ITSN2: variants seen among roughly 807,000 people sequenced by gnomAD.
ITSN2 encodes intersectin-2.
Under a neutral mutation model 243.7 loss-of-function variants are expected in ITSN2, and 156 were observed. That is an observed-to-expected ratio of 0.64 (90% confidence interval 0.56 to 0.73). ITSN2 has a LOEUF of 0.73. Ranked by LOEUF, ITSN2 falls within the 30% of genes least tolerant of loss-of-function variation. ITSN2 has a pLI of 0.00. For missense variants in ITSN2, 1,801 were observed against 1,996.1 expected (o/e 0.90, Z 1.86); for synonymous variants, 703 against 699.9 (o/e 1.00, Z -0.07).
intron 29 of ITSN2, among the ~76,000 whole-genome samples, chr2:24,235,357 A>G (rs1252533475): frequency 3.9e-5 from 6 of 152,216 alleles, no homozygotes; most frequent in Non-Finnish European, 7.3e-5. Context: ...GGTAGAGCAC[A>G]GAAGATTTTT....
chr2:24,233,063 T>C (rs920789133), intron 29 of ITSN2, among the ~76,000 whole-genome samples: 1 of 152,242 alleles, frequency 6.6e-6, no homozygotes. Flanking sequence ...TTGTATCTAA[T>C]AGCCAGTTCC....
Position 24,246,131 on chromosome 2 carries a change from T to G in ITSN2, c.3575A>C (p.Gln1192Pro), listed in dbSNP as rs201649123. The part of the protein sequence containing the change: ...KMTTDSDPSQ[Q>P]WCADLQTLDT... Reference sequence around the variant, plus strand: ...AAAAATAATTTAATATTACTCACACTGTTGACTTGGATCTGAGTCTGTCGT... The same window carrying G: ...AAAAATAATTTAATATTACTCACACGGTTGACTTGGATCTGAGTCTGTCGT... Residue 1192 changes from glutamine to proline, a missense_variant and splice_region_variant, in exon 29 of 40, where the codon CAG becomes CCG. Gln to Pro is a moderately conservative substitution (Grantham distance 76). Around this residue, in one of 5 missense-constraint regions of ITSN2, gnomAD observed 928 missense variants for 1,065.4 expected, o/e 0.87. Transcript: ENST00000355123. 6.2e-7 allele frequency: 1 copy of G among 1,607,068 alleles called. No homozygotes were observed. The highest frequency in any genetic ancestry group is 8.5e-7 in the Non-Finnish European group (1 of 1,174,952).
chr2:24,217,079 G>A (rs11125504), intron 31 of ITSN2, among the ~76,000 whole-genome samples: 112,606 of 141,028 alleles, frequency 0.8, 44,073 homozygotes, highest in East Asian at 0.86. Context: ...GCGAGACTCC[G>A]TCTCAAAAAA....
intron 15 of ITSN2, among the ~76,000 whole-genome samples, chr2:24,286,955 A>G (rs147385554): frequency 1.1e-4 from 17 of 152,332 alleles, no homozygotes; most frequent in African/African-American, 2.9e-4. Flanking sequence ...ATACATTACA[A>G]TAAATTAAAA....
chr2:24,343,196 G>A (rs933199253), intron 1 of ITSN2, among the ~76,000 whole-genome samples: 1 of 151,436 alleles, frequency 6.6e-6, no homozygotes, highest in African/African-American at 2.4e-5. Flanking sequence ...ATGTCAATTA[G>A]CATAAGATCC....
chr2:24,325,290 G>T (rs1047587921), intron 2 of ITSN2, among the ~76,000 whole-genome samples: 1 of 151,900 alleles, frequency 6.6e-6, no homozygotes, highest in East Asian at 1.9e-4. Flanking sequence ...CACACCTGTG[G>T]TCCCAGCTAC....
chr2:24,279,663 C>CT (rs895535816), intron 17 of ITSN2, among the ~76,000 whole-genome samples: 1 of 148,680 alleles, frequency 6.7e-6, no homozygotes, highest in Non-Finnish European at 1.5e-5. Flanking sequence ...CTAGAGTTCA[C>CT]TTTTTTAGAT....
At chr2:24,245,391 G>C (rs79052255) in intron 29 of ITSN2, among the ~76,000 whole-genome samples, 6 of 152,038 alleles carry the variant, frequency 3.9e-5, no homozygotes, top group Non-Finnish European at 7.4e-5. Flanking sequence ...TAAACAGCGA[G>C]AAATAAATGA....
rs1489904345 is a variant in ITSN2, at chr2:24,225,624, C to A, written c.3578-4558G>T. Reference sequence around the variant, plus strand: ...CTTGCCTGCTGCCTGGCTCTCTGCTCCCCCCAGTCCAGCAAATGCCAAAAT... The same window carrying A: ...CTTGCCTGCTGCCTGGCTCTCTGCTACCCCCAGTCCAGCAAATGCCAAAAT... On this transcript the variant is annotated intron_variant, in intron 29 of 39. Coordinates refer to ENST00000355123, the MANE Select transcript of ITSN2 (RefSeq NM_006277.3). The surrounding 1 kb of genome is among the most constrained non-coding windows in gnomAD (Gnocchi z 4.2). Among the ~76,000 whole-genome samples the A allele has an allele frequency of 6.6e-6, 1 of 152,060 alleles. No individual in the cohort carries two copies. The highest frequency in any genetic ancestry group is 1.5e-5 in the Non-Finnish European group (1 of 68,004).
chr2:24,260,742 T>C (rs528807369), intron 22 of ITSN2, among the ~76,000 whole-genome samples: 2 of 152,008 alleles, frequency 1.3e-5, no homozygotes, highest in East Asian at 3.9e-4. Flanking sequence ...ACCCCGTCTC[T>C]ACTAAAAATA....
At chr2:24,310,255 A>G in intron 7 of ITSN2, 29 bp downstream of exon 7, 1 of 1,405,942 alleles carries the variant, frequency 7.1e-7, no homozygotes. Context: ...CTGAAAGCAT[A>G]AAAAGTTGTC....
At chr2:24,351,739 T>C (rs1012101857) in intron 1 of ITSN2, among the ~76,000 whole-genome samples, 8 of 152,196 alleles carry the variant, frequency 5.3e-5, no homozygotes, top group African/African-American at 1.9e-4. Flanking sequence ...ACTGTGTCTA[T>C]GCTGCCTGCC....
chr2:24,330,848 C>T (rs545139140), intron 1 of ITSN2, among the ~76,000 whole-genome samples: 2 of 151,958 alleles, frequency 1.3e-5, no homozygotes, highest in Admixed American at 1.3e-4. Flanking sequence ...CTCACTGCAA[C>T]CTCCACCTCG....
intron 23 of ITSN2, 138 bp from the exon 24 acceptor site, chr2:24,254,569 A>T (rs954323929): frequency 1.9e-5 from 11 of 576,850 alleles, no homozygotes; most frequent in Non-Finnish European, 2.8e-5. Context: ...AGTACACAGA[A>T]CTGGGAAGAC....
intron 23 of ITSN2, among the ~76,000 whole-genome samples, chr2:24,255,828 T>C (rs556327920): frequency 2.6e-5 from 4 of 152,262 alleles, no homozygotes; most frequent in Admixed American, 2.6e-4. Context: ...GGCAGGCAGA[T>C]CACCTGAGGT....
Position 24,303,860 on chromosome 2 carries a change from A to C in ITSN2, c.796T>G (p.Phe266Val). Residue 266 changes from phenylalanine (F) to valine (V), a missense_variant and splice_region_variant, in exon 9 of 40, where the codon TTT becomes GTT. Transcript: ENST00000355123. ...TGAAGAAGGGCATTTCTAGCTTGAA[A>C]ACCTGATTAAGTGGGGAAAATCATA... ...DKSMSGYLSG[F>V]QARNALLQSN... The C allele has an allele frequency of 6.2e-7, 1 of 1,601,798 alleles. No homozygotes were observed. Among genetic ancestry groups the C allele is most frequent in the Non-Finnish European group, 8.6e-7 (1 of 1,168,808 alleles).
At position 24,230,775 on chromosome 2, in the gene ITSN2, A is replaced by C. The variant is rs541731707; in HGVS notation, c.3578-9709T>G. Among the ~76,000 whole-genome samples the C allele has an allele frequency of 1.8e-4, 28 of 152,314 alleles. 1 individual carries two copies. In the South Asian group the frequency reaches 5.2e-3, roughly 28 times the overall value. ...AAGAGTGAAACTCCATCTCAAAAAA[A>C]AGAAATAAAAATAAAAATAATAAAA... On this transcript the variant is annotated intron_variant, in intron 29 of 39. Transcript: ENST00000355123.
intron 37 of ITSN2, chr2:24,205,512 C>A: frequency 2.0e-6 from 1 of 500,512 alleles, no homozygotes; most frequent in East Asian, 3.6e-5. Flanking sequence ...TTTCTCTGCC[C>A]GTCAGCATCC....
At position 24,253,836 on chromosome 2, in the gene ITSN2, T is replaced by C. The variant is rs182989687; in HGVS notation, c.2953+531A>G. Among the ~76,000 whole-genome samples, 31 of 152,360 alleles carry C rather than the reference T, an allele frequency of 2.0e-4. No homozygotes were observed. In the East Asian group the frequency reaches 5.8e-3, roughly 28 times the overall value. ...CTTATACATTTCATTTATAAATGTA[T>C]GTAACTATTAAATAAAAATATCCTC... On this transcript the variant is annotated intron_variant, in intron 24 of 39. Transcript: ENST00000355123.
Sources: allele counts gnomAD v4.1 joint callset (sites outside exome capture counted in the v4.1 genomes callset), GRCh38; gene constraint gnomAD v4.1.1; regional missense constraint gnomAD v4.1.1; non-coding constraint Gnocchi (gnomAD v3.1); transcripts MANE v1.5; gene names NCBI Gene and HGNC (gene_info 2026-07-23, HGNC 2026-07-21).